SESN2: variants seen among roughly 807,000 people sequenced by gnomAD.
The protein encoded by SESN2 is sestrin-2.
A neutral mutation model predicts 56.0 loss-of-function variants in SESN2; 42 were observed. The ratio of observed to expected loss-of-function variants is 0.75; its 90% CI spans 0.59 to 0.97. SESN2 has a LOEUF of 0.97. Ranked by LOEUF, SESN2 falls within the 50% of genes least tolerant of loss-of-function variation. SESN2 has a pLI of 0.00. For synonymous variants in SESN2, 264 were observed against 267.1 expected (o/e 0.99, Z 0.11); for missense variants, 507 against 649.4 (o/e 0.78, Z 2.38).
intron 1 of SESN2, among the ~76,000 whole-genome samples, chr1:28,262,409 G>T (rs1471186059): frequency 6.6e-6 from 1 of 152,068 alleles, no homozygotes; most frequent in Non-Finnish European, 1.5e-5. Context: ...TTGGGAGGCC[G>T]AGGCAGATGG....
At chr1:28,260,369 G>C (rs1031732326) in intron 1 of SESN2, among the ~76,000 whole-genome samples, 43 of 152,028 alleles carry the variant, frequency 2.8e-4, no homozygotes, top group Non-Finnish European at 2.1e-4. Context: ...TCCTCTTCGC[G>C]GGGGCCGGCG....
intron 1 of SESN2, among the ~76,000 whole-genome samples, chr1:28,268,958 T>C (rs1372668050): frequency 1.3e-5 from 2 of 152,182 alleles, no homozygotes; most frequent in Admixed American, 1.3e-4. Flanking sequence ...GATTCTTGGG[T>C]CCCAACCCAG....
chr1:28,259,871 C>T lies in SESN2; in HGVS notation c.24C>T (p.Cys8=). The T allele has an allele frequency of 7.1e-7, 1 of 1,411,924 alleles. No homozygotes were observed. The highest frequency in any genetic ancestry group is 9.2e-7 in the Non-Finnish European group (1 of 1,084,264). The allele number at this position is 1,411,924 out of a possible 1,614,324, so 87.5% of individuals were successfully genotyped here. The change falls in exon 1 of 10, where the codon TGC becomes TGT. Residue 8 remains cysteine (C), a synonymous_variant. Transcript: ENST00000253063. ...CCATGATCGTGGCGGACTCCGAGTGCCGCGCAGAGCTCAAGGACTACCTGC... is the reference window on the plus strand; with the variant it reads ...CCATGATCGTGGCGGACTCCGAGTGTCGCGCAGAGCTCAAGGACTACCTGC... MIVADSE[C]RAELKDYLRF...
rs1648244187 is a variant in SESN2 at position 28,281,624 on chromosome 1, C to T, written c.*822C>T. ...GGAGGAGGAGAGGGAGAATTCTGTT[C>T]TCCCAGAGCTGCACCTGCCTCGCAG... On this transcript the variant is annotated 3_prime_UTR_variant, in exon 10 of 10. Coordinates refer to ENST00000253063, the MANE Select transcript of SESN2 (RefSeq NM_031459.5). The T allele has an allele frequency of 6.6e-6, 1 of 152,364 alleles. No individual in the cohort carries two copies. Among genetic ancestry groups the T allele is most frequent in the Middle Eastern group, 3.4e-3 (1 of 294 alleles). The allele number at this position is 152,364 out of a possible 1,614,324, so 9.4% of individuals were successfully genotyped here.
In SESN2 at chr1:28,281,128, G is replaced by T; in HGVS notation, c.*326G>T. The T allele has an allele frequency of 4.0e-6, 1 of 248,078 alleles. No individual in the cohort carries two copies. The highest frequency in any genetic ancestry group is 7.8e-6 in the Non-Finnish European group (1 of 129,026). The allele number at this position is 248,078 out of a possible 1,614,324, so 15.4% of individuals were successfully genotyped here. On this transcript the variant is annotated 3_prime_UTR_variant, in exon 10 of 10. Transcript: ENST00000253063. Reference sequence around the variant, plus strand: ...CAAGCTCGGAATTAATGTGCCACAAGTGTTGTGGCCTTCCTGAACTGGGAA... The same window carrying T: ...CAAGCTCGGAATTAATGTGCCACAATTGTTGTGGCCTTCCTGAACTGGGAA...
chr1:28,275,029 C>T lies in SESN2; in HGVS notation c.1211+14C>T, dbSNP rs751187378. 1 of 1,594,406 alleles carries T rather than the reference C, an allele frequency of 6.3e-7. No homozygotes were observed. Among genetic ancestry groups the T allele is most frequent in the African/African-American group, 1.3e-5 (1 of 74,686 alleles). On this transcript the variant is annotated intron_variant, in intron 8 of 9. Transcript: ENST00000253063. The stretch of plus-strand genomic sequence containing the variant: ...CTTTGGCATCAGGTGAGCTCATATC[C>T]CTTCATTTGGGGCATGTGTGCACTG...
At position 28,280,863 on chromosome 1, in the gene SESN2, G is replaced by A. The variant is rs980393843; in HGVS notation, c.*61G>A. On this transcript the variant is annotated 3_prime_UTR_variant, in exon 10 of 10. Coordinates refer to ENST00000253063, the MANE Select transcript of SESN2 (RefSeq NM_031459.5). ...ACAAGGACTTCTCTGTCTGGAGACA[G>A]CCCCAGACCCTTTTGTGTCCCATGC... The A allele has an allele frequency of 3.5e-5, 46 of 1,325,634 alleles. No individual in the cohort carries two copies. The African/African-American group carries it at 6.2e-4, about 18-fold the overall frequency. 82.1% of individuals were successfully genotyped at this position (1,325,634 alleles called of 1,614,324 possible). A position where few individuals can be genotyped will look rare whatever the true frequency, so the allele number is the denominator to read the frequency against.
chr1:28,277,726 G>A (rs1301478653), intron 8 of SESN2, among the ~76,000 whole-genome samples: 1 of 152,090 alleles, frequency 6.6e-6, no homozygotes, highest in Non-Finnish European at 1.5e-5. Flanking sequence ...TTTAAAAAAG[G>A]TACGTGCTCC....
In SESN2 at chr1:28,274,853, C is replaced by G; in HGVS notation, c.1049C>G (p.Ser350Trp). The G allele has an allele frequency of 6.2e-7, 1 of 1,613,944 alleles. No individual in the cohort carries two copies. The highest frequency in any genetic ancestry group is 8.5e-7 in the Non-Finnish European group (1 of 1,179,864). ...QDYTWEDHGY[S>W]LIQRLYPEGG... The stretch of plus-strand genomic sequence containing the variant: ...TATACCTGGGAAGACCATGGCTACT[C>G]GCTGATCCAGCGGCTTTACCCTGAG... Residue 350 changes from serine (S) to tryptophan (W), a missense_variant, in exon 8 of 10, where the codon TCG becomes TGG. Transcript: ENST00000253063.
At chr1:28,278,405 A>G (rs1648123272) in intron 8 of SESN2, among the ~76,000 whole-genome samples, 1 of 152,142 alleles carries the variant, frequency 6.6e-6, no homozygotes, top group South Asian at 2.1e-4. Context: ...CATCTCTACT[A>G]AAAATACAAA....
Position 28,272,385 on chromosome 1 carries a change from C to A in SESN2, c.456C>A (p.Ala152=). Residue 152 remains alanine, a synonymous_variant, in exon 4 of 10, where the codon GCC becomes GCA. Transcript: ENST00000253063. The part of the protein sequence containing the change: ...DPEWLLGLHR[A]PEKLRKLSEI... ...AGTGGCTGCTGGGCCTCCACCGGGCCCCCGAGAAGCTGCGCAAACTCAGCG... is the reference window on the plus strand; with the variant it reads ...AGTGGCTGCTGGGCCTCCACCGGGCACCCGAGAAGCTGCGCAAACTCAGCG... 1 of 1,613,690 alleles carries A rather than the reference C, an allele frequency of 6.2e-7. No homozygotes were observed. Among genetic ancestry groups the A allele is most frequent in the Non-Finnish European group, 8.5e-7 (1 of 1,180,024 alleles).
intron 1 of SESN2, among the ~76,000 whole-genome samples, chr1:28,261,755 A>C (rs370543385): frequency 6.7e-6 from 1 of 149,734 alleles, no homozygotes; most frequent in African/African-American, 2.5e-5. Context: ...AACTGCTGCT[A>C]TCTGGGAGGT....
chr1:28,280,452 C>T (rs1014946235), intron 9 of SESN2, among the ~76,000 whole-genome samples: 4 of 152,196 alleles, frequency 2.6e-5, no homozygotes, highest in Non-Finnish European at 2.9e-5. Flanking sequence ...CTGATCCACT[C>T]GCCTTGGCCT....
In SESN2 at chr1:28,273,807, T is replaced by C. The variant is rs1048647664; in HGVS notation, c.902-233T>C. Among the ~76,000 whole-genome samples, 7 of 152,268 alleles carry C rather than the reference T, an allele frequency of 4.6e-5. 1 individual carries two copies. The highest frequency in any genetic ancestry group is 1.7e-4 in the African/African-American group (7 of 41,558). ...GCCTGGCCCAGGGGGAACCGCTCCA[T>C]AAATAACTGCCACTATTGTTGTTAC... On this transcript the variant is annotated intron_variant, in intron 6 of 9. Coordinates refer to ENST00000253063, the MANE Select transcript of SESN2 (RefSeq NM_031459.5).
In SESN2 at chr1:28,269,167, A is replaced by G. The variant is rs1241875903; in HGVS notation, c.91-16A>G. 3.1e-6 allele frequency: 5 copies of G among 1,604,534 alleles called. No individual in the cohort carries two copies. In the African/African-American group the frequency reaches 4.0e-5, roughly 13 times the overall value. ...CTCCCTTCTACTACGGACTAACCTC[A>G]TATGTTTCCTCCCAGGAGCAGAGGG... is the stretch of plus-strand genomic sequence containing the variant. On this transcript the variant is annotated splice_polypyrimidine_tract_variant and intron_variant, in intron 1 of 9. Coordinates refer to ENST00000253063, the MANE Select transcript of SESN2 (RefSeq NM_031459.5).
In SESN2 at chr1:28,280,997, C is replaced by G. The variant is rs1383565290; in HGVS notation, c.*195C>G. 1.8e-6 allele frequency: 1 copy of G among 545,104 alleles called. No homozygotes were observed. The highest frequency in any genetic ancestry group is 3.0e-5 in the East Asian group (1 of 33,044). The allele number at this position is 545,104 out of a possible 1,614,324, so 33.8% of individuals were successfully genotyped here. A position where few individuals can be genotyped will look rare whatever the true frequency, so the allele number is the denominator to read the frequency against. On this transcript the variant is annotated 3_prime_UTR_variant, in exon 10 of 10. Transcript: ENST00000253063. ...GTTCATTGCACTGACTCTGGGATCT[C>G]AGCCCTGCTCCTGGGAGCTGGAAGA... is the stretch of plus-strand genomic sequence containing the variant.
chr1:28,259,618 CTTCCCA>C lies in SESN2; in HGVS notation c.-229_-224del, dbSNP rs1647298498. Reference sequence around the variant, plus strand: ...CCGTGAAAACCCCTGCGCTGCGGCCCTTCCCAGGCCCCCGAGGCCGTTCGCCGTTCC... The same window carrying C: ...CCGTGAAAACCCCTGCGCTGCGGCCCGGCCCCCGAGGCCGTTCGCCGTTCC... On this transcript the variant is annotated 5_prime_UTR_variant, in exon 1 of 10. Coordinates refer to ENST00000253063, the MANE Select transcript of SESN2 (RefSeq NM_031459.5). 4 of 432,146 alleles carry C rather than the reference CTTCCCA, an allele frequency of 9.3e-6. No homozygotes were observed. The East Asian group carries it at 1.5e-4, about 16-fold the overall frequency. 26.8% of individuals were successfully genotyped at this position (432,146 alleles called of 1,614,324 possible). A position where few individuals can be genotyped will look rare whatever the true frequency, so the allele number is the denominator to read the frequency against.
At chr1:28,280,687 T>C (rs1294440680) in intron 9 of SESN2, 29 bp from the exon 10 acceptor site, 2 of 1,586,736 alleles carry the variant, frequency 1.3e-6, no homozygotes, top group East Asian at 2.2e-5. Context: ...GTGACATCAG[T>C]TGCCAACATG....
In SESN2 at chr1:28,278,470, G is replaced by A. The variant is rs1408417443; in HGVS notation, c.1212-627G>A. 2.6e-5 allele frequency among the ~76,000 whole-genome samples: 4 copies of A among 152,336 alleles called. No homozygotes were observed. In the South Asian group the frequency reaches 6.2e-4, roughly 24 times the overall value. ...TAATCCCAGCTACTCAGGAGGCTGA[G>A]GCAGGAGAATTGCTTGAACTCAGGA... On this transcript the variant is annotated intron_variant, in intron 8 of 9. Coordinates refer to ENST00000253063, the MANE Select transcript of SESN2 (RefSeq NM_031459.5).
Sources: allele counts gnomAD v4.1 joint callset (sites outside exome capture counted in the v4.1 genomes callset), GRCh38; gene constraint gnomAD v4.1.1; transcripts MANE v1.5; gene names NCBI Gene and HGNC (gene_info 2026-07-23, HGNC 2026-07-21).